Variants in ADCY2 observed in about 807,000 individuals in gnomAD.
ADCY2 encodes adenylate cyclase 2.
ADCY2 carries 31 observed loss-of-function variants against 125.2 expected under a neutral mutation model. The observed-to-expected ratio is 0.25, with a 90% CI of 0.19 to 0.33. The LOEUF (loss-of-function observed/expected upper bound fraction) is 0.33, where lower values mean the gene tolerates loss of function less well. Among genes scored for constraint, ADCY2 ranks in the 10% least tolerant of loss-of-function variants. The pLI is 1.00. For synonymous variants in ADCY2, 512 were observed against 548.4 expected (o/e 0.93, Z 0.93); for missense variants, 904 against 1,418.2 (o/e 0.64, Z 5.82).
At chr5:7,652,011 C>G (rs1739110928) in intron 4 of ADCY2, among the ~76,000 whole-genome samples, 1 of 152,092 alleles carries the variant, frequency 6.6e-6, no homozygotes, top group Non-Finnish European at 1.5e-5. Context: ...ACCATGTTGA[C>G]CAGGATGGCC....
chr5:7,695,096 T>C (rs1159076929), intron 5 of ADCY2, among the ~76,000 whole-genome samples: 2 of 152,230 alleles, frequency 1.3e-5, no homozygotes, highest in Non-Finnish European at 2.9e-5. Context: ...CATGTTATTG[T>C]GTAGGAAAAG....
At chr5:7,451,274 T>C (rs1245825503) in intron 2 of ADCY2, among the ~76,000 whole-genome samples, 1 of 152,220 alleles carries the variant, frequency 6.6e-6, no homozygotes, top group Non-Finnish European at 1.5e-5. Context: ...TTCATGTTCA[T>C]GGGAGGAAGT....
At chr5:7,673,387 G>A (rs1740009387) in intron 4 of ADCY2, among the ~76,000 whole-genome samples, 1 of 149,260 alleles carries the variant, frequency 6.7e-6, no homozygotes, top group African/African-American at 2.5e-5. Flanking sequence ...GCAGAAAGCT[G>A]AGATTAAGCC....
chr5:7,444,479 G>C (rs1165064319), intron 2 of ADCY2, among the ~76,000 whole-genome samples: 1 of 151,874 alleles, frequency 6.6e-6, no homozygotes, highest in Non-Finnish European at 1.5e-5. Flanking sequence ...CTAACACTCT[G>C]TATCAATATA....
At chr5:7,632,466 C>T (rs1738347989) in intron 4 of ADCY2, among the ~76,000 whole-genome samples, 1 of 151,958 alleles carries the variant, frequency 6.6e-6, no homozygotes, top group Admixed American at 6.6e-5. Flanking sequence ...TCTTTGGCAT[C>T]TCTTCCCCAG....
At chr5:7,453,538 A>G (rs1283654969) in intron 2 of ADCY2, among the ~76,000 whole-genome samples, 2 of 152,196 alleles carry the variant, frequency 1.3e-5, no homozygotes, top group Non-Finnish European at 2.9e-5. Flanking sequence ...TAGGAGGCAG[A>G]AGGCAGAAGG....
chr5:7,427,137 A>G (rs1192182195), intron 2 of ADCY2, among the ~76,000 whole-genome samples: 1 of 152,044 alleles, frequency 6.6e-6, no homozygotes, highest in African/African-American at 2.4e-5. Flanking sequence ...ATATTCTGTG[A>G]TTTGCTGACA....
At chr5:7,742,162 G>T (rs1023773471) in intron 14 of ADCY2, among the ~76,000 whole-genome samples, 4 of 147,032 alleles carry the variant, frequency 2.7e-5, no homozygotes, top group African/African-American at 1.0e-4. Context: ...GAGCTCCTTC[G>T]TAAAACAGAA....
intron 14 of ADCY2, among the ~76,000 whole-genome samples, chr5:7,732,637 T>C (rs996648397): frequency 2.0e-5 from 3 of 152,268 alleles, no homozygotes; most frequent in South Asian, 4.1e-4. Flanking sequence ...CTGTTGACTT[T>C]GTTTTCTTAA....
At chr5:7,410,621 A>G (rs1434277587) in intron 1 of ADCY2, among the ~76,000 whole-genome samples, 1 of 152,228 alleles carries the variant, frequency 6.6e-6, no homozygotes, top group East Asian at 1.9e-4. Context: ...AGTATGCATT[A>G]TATGGTAAAT....
rs553597102 is a variant in ADCY2, at chr5:7,788,168, T to C, written c.2470-1474T>C. 1.1e-4 allele frequency among the ~76,000 whole-genome samples: 17 copies of C among 152,090 alleles called. 1 individual carries two copies. Among genetic ancestry groups the C allele is most frequent in the Non-Finnish European group, 2.4e-4 (16 of 67,996 alleles). ...GTGAAACTTTAAATATAAACAAACT[T>C]TTATTTTTGGGGTTTTGTTTTTGGT... On this transcript the variant is annotated intron_variant, in intron 19 of 24. Transcript: ENST00000338316.
intron 12 of ADCY2, among the ~76,000 whole-genome samples, chr5:7,721,618 T>C (rs1028691487): frequency 3.3e-5 from 5 of 152,244 alleles, no homozygotes; most frequent in Admixed American, 2.0e-4. Flanking sequence ...TACGTATAGC[T>C]AGCCAGTTTT....
intron 24 of ADCY2, 85 bp from the exon 25 acceptor site, chr5:7,826,633 CT>C (rs768568678): frequency 3.2e-6 from 5 of 1,572,400 alleles, no homozygotes; most frequent in Non-Finnish European, 3.5e-6. Flanking sequence ...GAGCATGGTG[CT>C]TTTTTTAGCT....
At chr5:7,660,289 AAG>A (rs1739482579) in intron 4 of ADCY2, among the ~76,000 whole-genome samples, 1 of 149,844 alleles carries the variant, frequency 6.7e-6, no homozygotes, top group African/African-American at 2.4e-5. Flanking sequence ...GGAAGGAAGG[AAG>A]GAAGGAAGGA....
chr5:7,476,145 G>A (rs1742516944), intron 2 of ADCY2, among the ~76,000 whole-genome samples: 1 of 152,028 alleles, frequency 6.6e-6, no homozygotes, highest in East Asian at 1.9e-4. Flanking sequence ...ACCCATTTTA[G>A]CACTGAAAAT....
At chr5:7,711,476 A>G (rs904617946) in intron 10 of ADCY2, among the ~76,000 whole-genome samples, 3 of 152,196 alleles carry the variant, frequency 2.0e-5, no homozygotes, top group Non-Finnish European at 4.4e-5. Context: ...AAATAGTCGA[A>G]TGTGATTTCC....
rs760867307 is a variant in ADCY2, at chr5:7,826,733, G to A, written c.3138G>A (p.Thr1046=). The A allele has an allele frequency of 8.1e-6, 13 of 1,613,722 alleles. No individual in the cohort carries two copies. The highest frequency in any genetic ancestry group is 1.3e-5 in the African/African-American group (1 of 74,840). The change falls in exon 25 of 25, where the codon ACG becomes ACA. Residue 1046 remains threonine, a synonymous_variant. Coordinates refer to ENST00000338316, the MANE Select transcript of ADCY2 (RefSeq NM_020546.3). ...GTGCCTTCTAGGTTACCGAGGAGAC[G>A]AGCCTCGTCCTGCAGACCCTCGGAT... is the stretch of plus-strand genomic sequence containing the variant. ...VLDKIQVTEE[T]SLVLQTLGYT...
At chr5:7,472,141 G>A (rs1464908391) in intron 2 of ADCY2, among the ~76,000 whole-genome samples, 2 of 152,054 alleles carry the variant, frequency 1.3e-5, no homozygotes, top group Non-Finnish European at 2.9e-5. Flanking sequence ...TTCCTTATGG[G>A]ATTCTGATCA....
chr5:7,547,591 T>G (rs1735187858), intron 3 of ADCY2, among the ~76,000 whole-genome samples: 1 of 152,202 alleles, frequency 6.6e-6, no homozygotes, highest in Non-Finnish European at 1.5e-5. Flanking sequence ...ATTAAAGAGC[T>G]TCTGAGCTTG....
Sources: gnomAD v4.1 joint callset for allele counts (sites outside exome capture counted in the v4.1 genomes callset) on GRCh38, gnomAD v4.1.1 for gene constraint, MANE v1.5 for transcripts, NCBI Gene and HGNC (gene_info 2026-07-23, HGNC 2026-07-21) for gene names.